Variants in WDR64 observed in about 807,000 individuals in gnomAD.
WDR64 encodes the protein WD repeat-containing protein 64.
WDR64 carries 112 observed loss-of-function variants against 139.3 expected under a neutral mutation model. The ratio of observed to expected loss-of-function variants is 0.80; its 90% CI spans 0.69 to 0.94. The LOEUF (loss-of-function observed/expected upper bound fraction) is 0.94, where lower values mean the gene tolerates loss of function less well. Among genes scored for constraint, WDR64 ranks in the 40% least tolerant of loss-of-function variants. The pLI is 0.00. For synonymous variants in WDR64, 444 were observed against 437.7 expected (o/e 1.01, Z -0.18); for missense variants, 1,206 against 1,293.1 (o/e 0.93, Z 1.03).
At chr1:241,728,144 C>G (rs1668920518) in intron 10 of WDR64, among the ~76,000 whole-genome samples, 2 of 152,000 alleles carry the variant, frequency 1.3e-5, no homozygotes, top group South Asian at 4.2e-4. Flanking sequence ...ATCAGCCTGG[C>G]CAACATGGTG....
At chr1:241,661,682 A>G (rs1665838876) in intron 2 of WDR64, among the ~76,000 whole-genome samples, 1 of 152,216 alleles carries the variant, frequency 6.6e-6, no homozygotes, top group African/African-American at 2.4e-5. Flanking sequence ...CCTGCAGTGC[A>G]GGATTCAAGT....
intron 1 of WDR64, among the ~76,000 whole-genome samples, chr1:241,658,391 C>G (rs374608245): frequency 1.3e-5 from 2 of 151,814 alleles, no homozygotes; most frequent in African/African-American, 4.8e-5. Context: ...AATCCCAGCA[C>G]TTTGGGAGGC....
Position 241,746,061 on chromosome 1 carries a change from A to G in WDR64, c.1594+1545A>G, listed in dbSNP as rs115801177. Among the ~76,000 whole-genome samples, 721 of 152,288 alleles carry G rather than the reference A, an allele frequency of 4.7e-3. 5 individuals are homozygous for G. Among genetic ancestry groups the G allele is most frequent in the African/African-American group, 0.017 (699 of 41,548 alleles). ...CACAGAGTCCTTGAGGGTAGGCACT[A>G]TGATTATTCATTAAATATCCCCAGC... On this transcript the variant is annotated intron_variant, in intron 13 of 27. Coordinates refer to ENST00000437684, the MANE Select transcript of WDR64 (RefSeq NM_001367482.1).
chr1:241,658,697 G>A (rs373678179), intron 1 of WDR64, among the ~76,000 whole-genome samples: 1 of 149,236 alleles, frequency 6.7e-6, no homozygotes, highest in African/African-American at 2.5e-5. Flanking sequence ...CGCTCAAGAT[G>A]AATTCTACCA....
chr1:241,764,095 T>C (rs193204846), intron 15 of WDR64, among the ~76,000 whole-genome samples: 1 of 152,234 alleles, frequency 6.6e-6, no homozygotes, highest in East Asian at 1.9e-4. Flanking sequence ...ACTACAAGTA[T>C]CTCAGTGTGG....
chr1:241,658,254 G>T (rs56298840), intron 1 of WDR64, among the ~76,000 whole-genome samples: 2 of 150,458 alleles, frequency 1.3e-5, no homozygotes, highest in African/African-American at 2.4e-5. Flanking sequence ...AGGGAATTAC[G>T]AAATTTGACA....
At chr1:241,735,405 G>A (rs956622593) in intron 10 of WDR64, among the ~76,000 whole-genome samples, 1 of 151,800 alleles carries the variant, frequency 6.6e-6, no homozygotes, top group Middle Eastern at 3.4e-3. Flanking sequence ...TATGGCTTAT[G>A]CTTTTTGTGC....
chr1:241,778,520 G>C (rs1658742932), intron 21 of WDR64, among the ~76,000 whole-genome samples: 1 of 152,106 alleles, frequency 6.6e-6, no homozygotes, highest in Admixed American at 6.5e-5. Flanking sequence ...TGACATAGTT[G>C]AATTAGTATC....
chr1:241,790,622 T>C lies in WDR64; in HGVS notation c.2923T>C (p.Phe975Leu), dbSNP rs1372825065. Residue 975 changes from phenylalanine (F) to leucine (L), a missense_variant, in exon 25 of 28, where the codon TTC (phenylalanine) becomes CTC (leucine). Physicochemically the swap from Phe to Leu is conservative, Grantham distance 22. Transcript: ENST00000437684. ...WRKMSSVSLL[F>L]KRTPPKAFEV... Reference sequence around the variant, plus strand: ...AAAAATGAGCTCAGTGTCTCTACTTTTCAAACGCACACCTCCCAAGGCCTT... The same window carrying C: ...AAAAATGAGCTCAGTGTCTCTACTTCTCAAACGCACACCTCCCAAGGCCTT... 12 of 1,612,056 alleles carry C rather than the reference T, an allele frequency of 7.4e-6. No homozygotes were observed. The highest frequency in any genetic ancestry group is 2.2e-5 in the South Asian group (2 of 90,480).
chr1:241,736,415 TA>T (rs59588872), intron 10 of WDR64, among the ~76,000 whole-genome samples: 2,586 of 134,620 alleles, frequency 0.019, 66 homozygotes, highest in African/African-American at 0.061. Context: ...TGGAAGAGTT[TA>T]AAAAAAAAAA....
chr1:241,673,814 TCTAG>T (rs1282455064), intron 3 of WDR64, among the ~76,000 whole-genome samples: 1 of 152,192 alleles, frequency 6.6e-6, no homozygotes, highest in Non-Finnish European at 1.5e-5. Flanking sequence ...CATAAAAGTG[TCTAG>T]CTAGTCTTTT....
At chr1:241,771,462 A>G (rs1292221119) in intron 18 of WDR64, among the ~76,000 whole-genome samples, 199 bp from the exon 19 acceptor site, 1 of 152,194 alleles carries the variant, frequency 6.6e-6, no homozygotes, top group Non-Finnish European at 1.5e-5. Flanking sequence ...AACTGCTAGA[A>G]GAATGTTGTG....
chr1:241,709,117 A>G (rs1300832530), intron 8 of WDR64, among the ~76,000 whole-genome samples: 5 of 152,206 alleles, frequency 3.3e-5, no homozygotes, highest in Non-Finnish European at 7.3e-5. Flanking sequence ...AATTTAGTTG[A>G]GCAAACTCTT....
Position 241,656,610 on chromosome 1 carries a change from A to G in WDR64, c.146-3920A>G, listed in dbSNP as rs1665605532. ...TCCCATTGCCTTGCTTTTGGTAAAT[A>G]GATCAACATTTGCTGAGTTTTGAAA... On this transcript the variant is annotated intron_variant, in intron 1 of 27. Transcript: ENST00000437684. The surrounding 1 kb of genome is among the most constrained non-coding windows in gnomAD (Gnocchi z 4.3). Among the ~76,000 whole-genome samples the G allele has an allele frequency of 6.6e-6, 1 of 152,206 alleles. No individual in the cohort carries two copies.
At chr1:241,673,395 C>A (rs1446249430) in intron 3 of WDR64, among the ~76,000 whole-genome samples, 1 of 152,078 alleles carries the variant, frequency 6.6e-6, no homozygotes, top group Non-Finnish European at 1.5e-5. Context: ...ATGATGGTGG[C>A]TTGCAATAGG....
intron 9 of WDR64, among the ~76,000 whole-genome samples, chr1:241,722,432 C>T (rs12073107): frequency 0.064 from 9,791 of 151,960 alleles, 1,064 homozygotes; most frequent in African/African-American, 0.23. Context: ...ACTTTATCCA[C>T]AGTAAATAAT....
chr1:241,782,821 T>C (rs994808700), intron 22 of WDR64, among the ~76,000 whole-genome samples: 3 of 152,146 alleles, frequency 2.0e-5, no homozygotes, highest in Admixed American at 6.5e-5. Context: ...AAACAGCCAG[T>C]TCTATCTCTA....
At chr1:241,800,828 G>A (rs760976863) in intron 27 of WDR64, among the ~76,000 whole-genome samples, 5 of 152,020 alleles carry the variant, frequency 3.3e-5, no homozygotes, top group Non-Finnish European at 7.4e-5. Context: ...AATTAACCAA[G>A]TCTTGTTTTG....
chr1:241,708,837 G>A (rs1026511313), intron 8 of WDR64, among the ~76,000 whole-genome samples: 2 of 151,782 alleles, frequency 1.3e-5, no homozygotes, highest in Non-Finnish European at 2.9e-5. Context: ...ACTGCACCCA[G>A]CCTAGGAATT....
Sources: allele counts gnomAD v4.1 joint callset (sites outside exome capture counted in the v4.1 genomes callset), GRCh38; gene constraint gnomAD v4.1.1; non-coding constraint Gnocchi (gnomAD v3.1); transcripts MANE v1.5; gene names NCBI Gene and HGNC (gene_info 2026-07-23, HGNC 2026-07-21).